Variants in SNTG1 observed in about 807,000 individuals in gnomAD.
SNTG1 encodes the protein gamma-1-syntrophin.
SNTG1 carries 39 observed loss-of-function variants against 74.7 expected under a neutral mutation model. That is an observed-to-expected ratio of 0.52 (90% confidence interval 0.40 to 0.68). The LOEUF (loss-of-function observed/expected upper bound fraction) is 0.68, where lower values mean the gene tolerates loss of function less well. SNTG1 is among the 30% of genes least tolerant of loss of function. SNTG1 has a pLI of 0.00. For synonymous variants in SNTG1, 254 were observed against 217.1 expected (o/e 1.17, Z -1.49); for missense variants, 685 against 609.5 (o/e 1.12, Z -1.30).
At chr8:50,233,522 T>G (rs2085737621) in intron 2 of SNTG1, among the ~76,000 whole-genome samples, 1 of 151,744 alleles carries the variant, frequency 6.6e-6, no homozygotes, top group African/African-American at 2.4e-5. Flanking sequence ...TAAGACTTCT[T>G]AGACATGAAC....
At chr8:50,074,352 G>A (rs191638487) in intron 1 of SNTG1, among the ~76,000 whole-genome samples, 14 of 152,254 alleles carry the variant, frequency 9.2e-5, no homozygotes, top group Non-Finnish European at 5.9e-5. Context: ...ATTAGGCATT[G>A]GTTTAAGAAG....
intron 2 of SNTG1, among the ~76,000 whole-genome samples, chr8:50,391,429 T>A (rs980794683): frequency 2.0e-5 from 3 of 152,160 alleles, no homozygotes; most frequent in Non-Finnish European, 4.4e-5. Flanking sequence ...GCCCACTTGA[T>A]CATGGTGGAT....
chr8:50,081,284 T>G (rs112212818), intron 1 of SNTG1, among the ~76,000 whole-genome samples: 5 of 151,856 alleles, frequency 3.3e-5, no homozygotes, highest in Non-Finnish European at 5.9e-5. Flanking sequence ...TTATTTCTAA[T>G]AAGTCAAGCA....
rs758244533 is a variant in SNTG1 at position 50,125,642 on chromosome 8, C to G, written c.-102-46919C>G. ...TTCACACTATGTCCTAAGAACGGTG[C>G]GAGCTCTGTGGATAGAAGGAAAAGA... On this transcript the variant is annotated intron_variant, in intron 1 of 18. Transcript: ENST00000642720. 1.4e-5 allele frequency among the ~76,000 whole-genome samples: 2 copies of G among 141,336 alleles called. 1 individual carries two copies. Among genetic ancestry groups the G allele is most frequent in the South Asian group, 5.3e-4 (2 of 3,772 alleles). 92.7% of individuals were successfully genotyped at this position (141,336 alleles called of 152,430 possible). A position where few individuals can be genotyped will look rare whatever the true frequency, so the allele number is the denominator to read the frequency against.
chr8:50,356,648 C>G (rs941947266), intron 2 of SNTG1, among the ~76,000 whole-genome samples: 1 of 152,106 alleles, frequency 6.6e-6, no homozygotes, highest in Non-Finnish European at 1.5e-5. Flanking sequence ...GGGACAATCT[C>G]TCTTTTTCAA....
In SNTG1 at chr8:49,972,953, T is replaced by G. The variant is rs192735686; in HGVS notation, c.-103+60722T>G. 2.9e-3 allele frequency among the ~76,000 whole-genome samples: 442 copies of G among 152,310 alleles called. 3 individuals carry two copies. Among genetic ancestry groups the G allele is most frequent in the African/African-American group, 9.9e-3 (413 of 41,550 alleles). ...AATTCAACCATTGTGGAAGTTGGTGTGGCGATTCCTCAGGGATCTAGAACT... is the reference window on the plus strand; with the variant it reads ...AATTCAACCATTGTGGAAGTTGGTGGGGCGATTCCTCAGGGATCTAGAACT... On this transcript the variant is annotated intron_variant, in intron 1 of 18. Transcript: ENST00000642720.
chr8:50,421,646 T>C (rs985478331), intron 4 of SNTG1, among the ~76,000 whole-genome samples: 8 of 152,128 alleles, frequency 5.3e-5, no homozygotes, highest in South Asian at 2.1e-4. Flanking sequence ...CAACCCTTTT[T>C]CAAGATTGAG....
At chr8:50,746,510 A>G (rs1337736310) in intron 17 of SNTG1, among the ~76,000 whole-genome samples, 1 of 151,962 alleles carries the variant, frequency 6.6e-6, no homozygotes, top group Non-Finnish European at 1.5e-5. Flanking sequence ...GACTCCTCAA[A>G]GTTTTCAAGT....
At chr8:50,472,542 T>C (rs2093661727) in intron 8 of SNTG1, among the ~76,000 whole-genome samples, 1 of 152,026 alleles carries the variant, frequency 6.6e-6, no homozygotes, top group Admixed American at 6.6e-5. Context: ...ATTAAAGATC[T>C]AATAAGACCT....
Position 50,792,862 on chromosome 8 carries a change from C to A in SNTG1, c.*33C>A, listed in dbSNP as rs1271892269. The A allele has an allele frequency of 6.3e-7, 1 of 1,580,646 alleles. No individual in the cohort carries two copies. The highest frequency in any genetic ancestry group is 8.6e-7 in the Non-Finnish European group (1 of 1,162,350). Reference sequence around the variant, plus strand: ...AACTCTTCATTGACACACCCCATGACTGTATAAGCAGGACACATTTACTCA... The same window carrying A: ...AACTCTTCATTGACACACCCCATGAATGTATAAGCAGGACACATTTACTCA... On this transcript the variant is annotated 3_prime_UTR_variant, in exon 19 of 19. Coordinates refer to ENST00000642720, the MANE Select transcript of SNTG1 (RefSeq NM_018967.5).
At chr8:50,326,773 G>T (rs1291028736) in intron 2 of SNTG1, among the ~76,000 whole-genome samples, 1 of 151,130 alleles carries the variant, frequency 6.6e-6, no homozygotes, top group Admixed American at 6.6e-5. Flanking sequence ...TTCTAAAGTG[G>T]ATACTAATAT....
intron 2 of SNTG1, among the ~76,000 whole-genome samples, chr8:50,298,903 A>C (rs2089513774): frequency 6.6e-6 from 1 of 152,178 alleles, no homozygotes; most frequent in South Asian, 2.1e-4. Context: ...TTCCTTCAAA[A>C]TTGATCTTGT....
chr8:50,403,793 T>C (rs1175771467), intron 4 of SNTG1, among the ~76,000 whole-genome samples: 1 of 152,180 alleles, frequency 6.6e-6, no homozygotes, highest in African/African-American at 2.4e-5. Flanking sequence ...TTTAGCAAGA[T>C]ATGAATAGAC....
intron 2 of SNTG1, among the ~76,000 whole-genome samples, chr8:50,175,175 G>A (rs147754899): frequency 0.017 from 2,565 of 152,090 alleles, 65 homozygotes; most frequent in African/African-American, 0.052. Flanking sequence ...ATAAACATAC[G>A]TGTGCATGTG....
At chr8:50,723,573 C>G (rs2095492828) in intron 17 of SNTG1, among the ~76,000 whole-genome samples, 1 of 152,132 alleles carries the variant, frequency 6.6e-6, no homozygotes, top group African/African-American at 2.4e-5. Flanking sequence ...ATGACAACCA[C>G]ATAACTACAG....
At position 50,217,050 on chromosome 8, in the gene SNTG1, G is replaced by T. The variant is rs562662458; in HGVS notation, c.-28+44415G>T. Among the ~76,000 whole-genome samples the T allele has an allele frequency of 7.9e-4, 120 of 151,560 alleles. 1 individual carries two copies. The South Asian group carries it at 9.6e-3, about 12-fold the overall frequency. ...AAGTTTATTAGTATTGAAAATTAATGAAACAAATGGGCTGACAAACAAATG... is the reference window on the plus strand; with the variant it reads ...AAGTTTATTAGTATTGAAAATTAATTAAACAAATGGGCTGACAAACAAATG... On this transcript the variant is annotated intron_variant, in intron 2 of 18. Coordinates refer to ENST00000642720, the MANE Select transcript of SNTG1 (RefSeq NM_018967.5).
At chr8:50,313,948 A>G (rs1470759826) in intron 2 of SNTG1, among the ~76,000 whole-genome samples, 1 of 150,034 alleles carries the variant, frequency 6.7e-6, no homozygotes. Flanking sequence ...TGGCATTATC[A>G]TGCTTTAAAA....
At chr8:50,637,503 C>T (rs77740081) in intron 13 of SNTG1, among the ~76,000 whole-genome samples, 3,240 of 152,038 alleles carry the variant, frequency 0.021, 62 homozygotes, top group Non-Finnish European at 0.032. Flanking sequence ...AAATGGCTTA[C>T]CCAAGGTCAT....
intron 15 of SNTG1, among the ~76,000 whole-genome samples, chr8:50,683,781 T>C (rs2095340802): frequency 6.6e-6 from 1 of 152,190 alleles, no homozygotes; most frequent in Non-Finnish European, 1.5e-5. Flanking sequence ...GATAATTAAA[T>C]AGCTAAAACG....
Sources: allele counts gnomAD v4.1 joint callset (sites outside exome capture counted in the v4.1 genomes callset), GRCh38; gene constraint gnomAD v4.1.1; transcripts MANE v1.5; gene names NCBI Gene and HGNC (gene_info 2026-07-23, HGNC 2026-07-21).